The following KCNAB1 variants were observed in gnomAD, a reference collection of about 807,000 sequenced individuals.
KCNAB1 encodes the protein potassium voltage-gated channel subfamily A regulatory beta subunit 1, also known as voltage-gated potassium channel subunit beta-1.
A neutral mutation model predicts 64.6 loss-of-function variants in KCNAB1; 35 were observed. The observed-to-expected ratio is 0.54, with a 90% CI of 0.41 to 0.72. The LOEUF is 0.72. KCNAB1 is among the 30% of genes least tolerant of loss of function. The pLI is 0.00. For synonymous variants in KCNAB1, 177 were observed against 183.8 expected (o/e 0.96, Z 0.30); for missense variants, 401 against 512.9 (o/e 0.78, Z 2.11).
chr3:156,457,192 G>C lies in KCNAB1; in HGVS notation c.358-261G>C, dbSNP rs1232112997. 4 of 1,251,038 alleles carry C rather than the reference G, an allele frequency of 3.2e-6. No individual in the cohort carries two copies. The African/African-American group carries it at 4.6e-5, about 14-fold the overall frequency. 77.5% of individuals were successfully genotyped at this position (1,251,038 alleles called of 1,614,324 possible). A position where few individuals can be genotyped will look rare whatever the true frequency, so the allele number is the denominator to read the frequency against. Reference sequence around the variant, plus strand: ...AAACCAGCTCTTCCCAGCCCAGTGAGAAACACAAATCTATCCACTTTGGGC... The same window carrying C: ...AAACCAGCTCTTCCCAGCCCAGTGACAAACACAAATCTATCCACTTTGGGC... On this transcript the variant is annotated intron_variant, in intron 3 of 13. Coordinates refer to ENST00000490337, the MANE Select transcript of KCNAB1 (RefSeq NM_172160.3).
intron 1 of KCNAB1, among the ~76,000 whole-genome samples, chr3:156,275,975 A>C (rs1160313846): frequency 2.0e-5 from 3 of 152,066 alleles, no homozygotes; most frequent in African/African-American, 7.2e-5. Context: ...TTTTTCAAGA[A>C]GGTTTTAAGT....
chr3:156,328,648 C>G (rs887643186), intron 1 of KCNAB1, among the ~76,000 whole-genome samples: 1 of 152,158 alleles, frequency 6.6e-6, no homozygotes, highest in African/African-American at 2.4e-5. Context: ...GCTTGTCTGT[C>G]CTTTCTACTT....
Position 156,478,152 on chromosome 3 carries a change from A to C in KCNAB1, c.658+3332A>C, listed in dbSNP as rs139985414. Reference sequence around the variant, plus strand: ...AAAATCATCACCAGATAGTTGTCCAACCTTTTTTTTTCGGTAGTGGCAGAA... The same window carrying C: ...AAAATCATCACCAGATAGTTGTCCACCCTTTTTTTTTCGGTAGTGGCAGAA... On this transcript the variant is annotated intron_variant, in intron 8 of 13. Transcript: ENST00000490337. Among the ~76,000 whole-genome samples the C allele has an allele frequency of 1.7e-4, 26 of 152,062 alleles. No individual in the cohort carries two copies. In the East Asian group the frequency reaches 4.6e-3, roughly 27 times the overall value.
intron 1 of KCNAB1, among the ~76,000 whole-genome samples, chr3:156,137,221 GGT>G (rs202047047): frequency 0.2 from 19,636 of 97,686 alleles, 1,614 homozygotes; most frequent in African/African-American, 0.3. Flanking sequence ...ATCATACATT[GGT>G]GGGGGGGGAT....
chr3:156,496,239 C>T lies in KCNAB1; in HGVS notation c.659-18125C>T, dbSNP rs192925869. On this transcript the variant is annotated intron_variant, in intron 8 of 13. Coordinates refer to ENST00000490337, the MANE Select transcript of KCNAB1 (RefSeq NM_172160.3). ...AATCAATTTCTTTCTTATGGTGATA[C>T]GGTTTGGCTGTGTCCCCACCCAAAT... Among the ~76,000 whole-genome samples the T allele has an allele frequency of 7.5e-4, 114 of 152,120 alleles. 2 individuals carry two copies. Among genetic ancestry groups the T allele is most frequent in the Admixed American group, 5.1e-3 (78 of 15,280 alleles).
At chr3:156,413,002 G>C (rs759779096) in intron 1 of KCNAB1, among the ~76,000 whole-genome samples, 3 of 152,210 alleles carry the variant, frequency 2.0e-5, no homozygotes, top group Non-Finnish European at 4.4e-5. Context: ...AAGTGCTGGA[G>C]TTACTAGAAT....
chr3:156,289,038 G>T (rs1042279742), intron 1 of KCNAB1, among the ~76,000 whole-genome samples: 6 of 152,174 alleles, frequency 3.9e-5, no homozygotes, highest in African/African-American at 1.4e-4. Context: ...TCCTATGGGG[G>T]ATAAAAAGGT....
intron 7 of KCNAB1, 52 bp from the exon 8 acceptor site, chr3:156,474,682 G>T: frequency 1.5e-6 from 2 of 1,315,522 alleles, no homozygotes; most frequent in East Asian, 2.3e-5. Flanking sequence ...CTTCAACTCT[G>T]AATAGTGCTC....
At chr3:156,218,140 G>A (rs1446303093) in intron 1 of KCNAB1, 1 of 152,310 alleles carries the variant, frequency 6.6e-6, no homozygotes. Context: ...ACTCGGTGCT[G>A]TTGTGGGGAC....
intron 13 of KCNAB1, among the ~76,000 whole-genome samples, chr3:156,534,961 G>A (rs1472727820): frequency 6.6e-6 from 1 of 151,484 alleles, no homozygotes; most frequent in Non-Finnish European, 1.5e-5. Context: ...ATTTGCTTTG[G>A]TGTAATGAAT....
At chr3:156,152,868 A>G (rs547778298) in intron 1 of KCNAB1, among the ~76,000 whole-genome samples, 2 of 152,338 alleles carry the variant, frequency 1.3e-5, no homozygotes, top group East Asian at 3.9e-4. Context: ...CTTTATACGT[A>G]ACTTCCCAAA....
intron 1 of KCNAB1, among the ~76,000 whole-genome samples, chr3:156,256,853 A>G (rs1576651064): frequency 6.6e-6 from 1 of 152,026 alleles, no homozygotes; most frequent in South Asian, 2.1e-4. Flanking sequence ...GAAGGTAGGG[A>G]GGGAGTTGGG....
intron 1 of KCNAB1, among the ~76,000 whole-genome samples, chr3:156,136,742 C>G (rs1714367953): frequency 6.6e-6 from 1 of 152,222 alleles, no homozygotes; most frequent in South Asian, 2.1e-4. Context: ...CACATCTGGG[C>G]CCCATGGACC....
chr3:156,139,582 G>GTGT (rs1714573110), intron 1 of KCNAB1, among the ~76,000 whole-genome samples: 2 of 49,636 alleles, frequency 4.0e-5, no homozygotes, highest in East Asian at 7.4e-4. Context: ...CCATTGTACT[G>GTGT]TGTTTTTTTT....
intron 1 of KCNAB1, among the ~76,000 whole-genome samples, chr3:156,199,946 A>G (rs964499366): frequency 6.6e-5 from 10 of 152,174 alleles, no homozygotes; most frequent in Admixed American, 6.5e-4. Context: ...TTTTTCCTCA[A>G]CTTCCTGGAT....
chr3:156,158,851 T>G (rs904433148), intron 1 of KCNAB1, among the ~76,000 whole-genome samples: 36 of 152,250 alleles, frequency 2.4e-4, no homozygotes, highest in African/African-American at 8.4e-4. Flanking sequence ...AAGGCACCTT[T>G]CATTTCCCAG....
At position 156,391,516 on chromosome 3, in the gene KCNAB1, A is replaced by G. The variant is rs138236466; in HGVS notation, c.276-30100A>G. Among the ~76,000 whole-genome samples the G allele has an allele frequency of 5.7e-4, 87 of 152,294 alleles. 1 individual carries two copies. In the East Asian group the frequency reaches 0.015, roughly 26 times the overall value. On this transcript the variant is annotated intron_variant, in intron 1 of 13. Transcript: ENST00000490337. Reference sequence around the variant, plus strand: ...TTAAGAGAGCTAAAATAACTTCCCTAAATTTCAGGAAAGTGCTTCATTTAT... The same window carrying G: ...TTAAGAGAGCTAAAATAACTTCCCTGAATTTCAGGAAAGTGCTTCATTTAT...
At chr3:156,153,112 AAGCAGGAG>A (rs1360491971) in intron 1 of KCNAB1, among the ~76,000 whole-genome samples, 1 of 152,182 alleles carries the variant, frequency 6.6e-6, no homozygotes, top group African/African-American at 2.4e-5. Flanking sequence ...ATAAATTATT[AAGCAGGAG>A]TCTAACAAAT....
intron 1 of KCNAB1, chr3:156,176,963 T>C: frequency 1.4e-6 from 1 of 691,224 alleles, no homozygotes; most frequent in Non-Finnish European, 2.5e-6. Context: ...GCCTCCATTT[T>C]TGTGCCACTT....
Sources: allele counts gnomAD v4.1 joint callset (sites outside exome capture counted in the v4.1 genomes callset), GRCh38; gene constraint gnomAD v4.1.1; transcripts MANE v1.5; gene names NCBI Gene and HGNC (gene_info 2026-07-23, HGNC 2026-07-21).